Variants in IREB2 observed in about 807,000 individuals in gnomAD.
The protein encoded by IREB2 is iron responsive element binding protein 2.
In IREB2, 39 loss-of-function variants were observed where a neutral mutation model predicts 118.8. That is an observed-to-expected ratio of 0.33 (90% CI 0.25 to 0.43). The LOEUF (loss-of-function observed/expected upper bound fraction) is 0.43. IREB2 is among the 20% of genes least tolerant of loss of function. The pLI is 1.00. For synonymous variants in IREB2, 372 were observed against 392.2 expected, an observed-to-expected ratio of 0.95 and a Z score of 0.61; for missense variants, 900 against 1,147.3, an observed-to-expected ratio of 0.78 and a Z score of 3.11.
At chr15:78,455,077 G>T (rs888881481) in intron 2 of IREB2, among the ~76,000 whole-genome samples, 1 of 152,110 alleles carries the variant, frequency 6.6e-6, no homozygotes, top group African/African-American at 2.4e-5. Flanking sequence ...GGTGAAAAAA[G>T]AACAGGATTG....
At chr15:78,458,986 G>A (rs751159041) in intron 2 of IREB2, among the ~76,000 whole-genome samples, 17 of 151,840 alleles carry the variant, frequency 1.1e-4, no homozygotes, top group Non-Finnish European at 2.4e-4. Context: ...TTTTAGTAGA[G>A]ATGGGGTTTC....
At chr15:78,472,507 C>T (rs1214771036) in intron 7 of IREB2, among the ~76,000 whole-genome samples, 4 of 152,110 alleles carry the variant, frequency 2.6e-5, no homozygotes, top group African/African-American at 7.2e-5. Flanking sequence ...GCTGGGACTA[C>T]AGGCACGTGC....
chr15:78,473,328 G>T lies in IREB2; in HGVS notation c.970G>T (p.Gly324Trp). ...LPEVVGCELT[G>W]SSNPFVTSID... ...AGAGGTGGTTGGATGTGAGTTAACT[G>T]GGTCATCAAACCCTTTTGTTACATC... The change falls in exon 8 of 22, where the codon GGG becomes TGG. Residue 324 changes from glycine (G) to tryptophan (W), a missense_variant. Transcript: ENST00000258886. 6.2e-7 allele frequency: 1 copy of T among 1,613,806 alleles called. No individual in the cohort carries two copies. The highest frequency in any genetic ancestry group is 8.5e-7 in the Non-Finnish European group (1 of 1,179,752).
chr15:78,449,494 GAGGT>G (rs1411231684), intron 2 of IREB2, among the ~76,000 whole-genome samples: 1 of 152,228 alleles, frequency 6.6e-6, no homozygotes, highest in African/African-American at 2.4e-5. Context: ...CCTATATAGA[GAGGT>G]AGGTGCTTAC....
In IREB2 at chr15:78,466,316, A is replaced by G. The variant is rs1444112865; in HGVS notation, c.456A>G (p.Lys152=). The G allele has an allele frequency of 2.5e-6, 4 of 1,613,918 alleles. No homozygotes were observed. The highest frequency in any genetic ancestry group is 3.4e-6 in the Non-Finnish European group (4 of 1,179,960). Residue 152 remains lysine, a synonymous_variant, in exon 5 of 22, where the codon AAA becomes AAG. Coordinates refer to ENST00000258886, the MANE Select transcript of IREB2 (RefSeq NM_004136.4). ...APNPGGGDLQ[K]AGKLSPLKVQ... ...ATCCTGGAGGTGGTGACCTGCAGAA[A>G]GCAGGAAAGCTCTCTCCACTTAAAG...
intron 2 of IREB2, among the ~76,000 whole-genome samples, chr15:78,441,091 G>A (rs1372859305): frequency 1.3e-5 from 2 of 152,096 alleles, no homozygotes; most frequent in South Asian, 2.1e-4. Context: ...TAATTAAGAC[G>A]ATTGTTCTTG....
chr15:78,485,715 T>G lies in IREB2; in HGVS notation c.1584T>G (p.Ala528=). ...TTGTTGGCTGTGCAGGTCTTTTGGC[T>G]AAAAAGGCTGTTGAAGCTGGTCTGC... ...PSVMLAAGLL[A]KKAVEAGLRV... is the part of the protein sequence containing the mutation. The change falls in exon 13 of 22, where the codon GCT becomes GCG. Residue 528 remains alanine (A), a synonymous_variant. Transcript: ENST00000258886. The G allele has an allele frequency of 6.2e-7, 1 of 1,613,506 alleles. No individual in the cohort carries two copies. Among genetic ancestry groups the G allele is most frequent in the Non-Finnish European group, 8.5e-7 (1 of 1,179,790 alleles).
At position 78,470,588 on chromosome 15, in the gene IREB2, T is replaced by C; in HGVS notation, c.686T>C (p.Leu229Pro). The change falls in exon 6 of 22, where the codon CTT becomes CCT. Residue 229 changes from leucine (L) to proline (P), a missense_variant. Transcript: ENST00000258886. ...EVEFGRNRER[L>P]QFFKWSSRVF... ...GAATTCGGCAGAAATCGAGAGAGGC[T>C]TCAGTTTTTTAAGGTATAAATGATT... is the stretch of plus-strand genomic sequence containing the variant. The C allele has an allele frequency of 6.3e-7, 1 of 1,584,784 alleles. No homozygotes were observed. Among genetic ancestry groups the C allele is most frequent in the Non-Finnish European group, 8.6e-7 (1 of 1,159,280 alleles).
chr15:78,477,295 TG>T (rs2051487859), intron 9 of IREB2, among the ~76,000 whole-genome samples: 1 of 152,180 alleles, frequency 6.6e-6, no homozygotes, highest in African/African-American at 2.4e-5. Flanking sequence ...ATGGTTTCAG[TG>T]GGGTCGGTAA....
chr15:78,470,683 C>G, intron 6 of IREB2, 82 bp downstream of exon 6: 1 of 331,258 alleles, frequency 3.0e-6, no homozygotes. Context: ...GTTTCTTTTT[C>G]TTTTCCTTTT....
At chr15:78,442,772 T>C (rs1303077927) in intron 2 of IREB2, among the ~76,000 whole-genome samples, 1 of 152,222 alleles carries the variant, frequency 6.6e-6, no homozygotes, top group East Asian at 1.9e-4. Flanking sequence ...CCGTTCTGTT[T>C]TTATTCTTTT....
At chr15:78,450,849 TG>T (rs2051013445) in intron 2 of IREB2, among the ~76,000 whole-genome samples, 1 of 151,460 alleles carries the variant, frequency 6.6e-6, no homozygotes, top group African/African-American at 2.4e-5. Context: ...TGTGTGTGTG[TG>T]TGTGTGTGTG....
intron 2 of IREB2, among the ~76,000 whole-genome samples, chr15:78,456,863 T>C (rs1332297310): frequency 6.6e-6 from 1 of 152,230 alleles, no homozygotes; most frequent in African/African-American, 2.4e-5. Context: ...TTTCTTCAGG[T>C]AATTTCCTCC....
intron 4 of IREB2, among the ~76,000 whole-genome samples, chr15:78,465,711 C>T (rs1252093235): frequency 2.0e-5 from 3 of 152,038 alleles, no homozygotes; most frequent in Non-Finnish European, 4.4e-5. Flanking sequence ...AGATGTGAGT[C>T]ATGAATGTTT....
chr15:78,491,865 TAA>T (rs1434140738), intron 18 of IREB2, among the ~76,000 whole-genome samples: 1 of 152,200 alleles, frequency 6.6e-6, no homozygotes, highest in Non-Finnish European at 1.5e-5. Context: ...TGGTGAGAAA[TAA>T]GTTTCCTTTC....
At chr15:78,482,808 C>T (rs529452097) in intron 10 of IREB2, among the ~76,000 whole-genome samples, 1 of 150,762 alleles carries the variant, frequency 6.6e-6, no homozygotes, top group Admixed American at 6.6e-5. Context: ...AGTGCAGTGG[C>T]GCGATCTTGG....
intron 2 of IREB2, among the ~76,000 whole-genome samples, chr15:78,448,777 G>T (rs1319855463): frequency 6.6e-6 from 1 of 152,120 alleles, no homozygotes; most frequent in Non-Finnish European, 1.5e-5. Flanking sequence ...TTCCCAGTCT[G>T]GACTCCAAAG....
chr15:78,475,061 C>CAAAAAAA (rs67418312), intron 8 of IREB2: 3 of 69,944 alleles, frequency 4.3e-5, no homozygotes, highest in African/African-American at 6.0e-5. Context: ...GACTCTGTCT[C>CAAAAAAA]AAAAAAAAAA....
At chr15:78,485,059 C>A in intron 12 of IREB2, 139 bp downstream of exon 12, 1 of 688,576 alleles carries the variant, frequency 1.5e-6, no homozygotes, top group South Asian at 2.8e-5. Flanking sequence ...TTAGTTAGGT[C>A]TTAAGGAGCC....
Sources: allele counts gnomAD v4.1 joint callset (sites outside exome capture counted in the v4.1 genomes callset), GRCh38; gene constraint gnomAD v4.1.1; transcripts MANE v1.5; gene names NCBI Gene and HGNC (gene_info 2026-07-23, HGNC 2026-07-21).